TP53RK: variants seen among roughly 807,000 people sequenced by gnomAD.
TP53RK encodes EKC/KEOPS complex subunit TP53RK.
A neutral mutation model predicts 14.9 loss-of-function variants in TP53RK; 17 were observed. That is an observed-to-expected ratio of 1.14 (90% confidence interval 0.78 to 1.71). The LOEUF is 1.71. TP53RK is among the 40% of genes most tolerant of loss of function. The pLI, the probability that TP53RK is intolerant of heterozygous loss-of-function variation, is 0.00. For synonymous variants in TP53RK, 131 were observed against 138.0 expected (o/e 0.95, Z 0.36); for missense variants, 343 against 332.0 (o/e 1.03, Z -0.26).
At chr20:46,687,517 A>T (rs1009063529) in intron 1 of TP53RK, among the ~76,000 whole-genome samples, 43 of 152,230 alleles carry the variant, frequency 2.8e-4, no homozygotes, top group Non-Finnish European at 4.0e-4. Context: ...CTCACTCTCT[A>T]AAAAACAAAC....
rs1366247330 is a variant in TP53RK, at chr20:46,685,473, G to A, written c.*1280C>T. On this transcript the variant is annotated 3_prime_UTR_variant, in exon 2 of 2. Coordinates refer to ENST00000372114, the MANE Select transcript of TP53RK (RefSeq NM_033550.4). ...AAACTGAGAGTGTGTGATGACAACA[G>A]TGTGCAGAGGGAAATTCATAGCTGC... The A allele has an allele frequency of 6.6e-6, 1 of 152,218 alleles. No individual in the cohort carries two copies. The highest frequency in any genetic ancestry group is 1.5e-5 in the Non-Finnish European group (1 of 68,038). 9.4% of individuals were successfully genotyped at this position (152,218 alleles called of 1,614,324 possible). A position where few individuals can be genotyped will look rare whatever the true frequency, so the allele number is the denominator to read the frequency against.
In TP53RK at chr20:46,686,789, C is replaced by T. The variant is rs373677474; in HGVS notation, c.726G>A (p.Val242=). 7 of 1,614,054 alleles carry T rather than the reference C, an allele frequency of 4.3e-6. No individual in the cohort carries two copies. Among genetic ancestry groups the T allele is most frequent in the Non-Finnish European group, 5.9e-6 (7 of 1,180,018 alleles). ...ARPVLKKLDE[V]RLRGRKRSMV... is the part of the protein sequence containing the mutation. The stretch of plus-strand genomic sequence containing the variant: ...TGGACCTCTTTCTTCCTCTCAGGCG[C>T]ACTTCATCTAATTTTTTTAGCACTG... The change falls in exon 2 of 2, where the codon GTG becomes GTA. Residue 242 remains valine (V), a synonymous_variant. Coordinates refer to ENST00000372114, the MANE Select transcript of TP53RK (RefSeq NM_033550.4).
In TP53RK at chr20:46,686,911, CAT is replaced by C; in HGVS notation, c.602_603del (p.Tyr201CysfsTer14). ...ALPEDKGVDL[Y>X]VLEKAFLSTH... ...GTACTGAGGAAGGCCTTCTCCAGGA[CAT>C]AGAGGTCTACTCCCTTATCCTCTGG... On this transcript the variant is annotated frameshift_variant, in exon 2 of 2. Coordinates refer to ENST00000372114, the MANE Select transcript of TP53RK (RefSeq NM_033550.4). LOFTEE classifies it high-confidence loss of function. 6.2e-7 allele frequency: 1 copy of C among 1,614,188 alleles called. No individual in the cohort carries two copies. Among genetic ancestry groups the C allele is most frequent in the Non-Finnish European group, 8.5e-7 (1 of 1,180,028 alleles).
Position 46,686,028 on chromosome 20 carries a change from G to A in TP53RK, c.*725C>T, listed in dbSNP as rs1432004100. The A allele has an allele frequency of 6.6e-6, 1 of 152,096 alleles. No individual in the cohort carries two copies. The highest frequency in any genetic ancestry group is 1.5e-5 in the Non-Finnish European group (1 of 68,026). The allele number at this position is 152,096 out of a possible 1,614,324, so 9.4% of individuals were successfully genotyped here. A position where few individuals can be genotyped will look rare whatever the true frequency, so the allele number is the denominator to read the frequency against. ...TTTGTTTAGCGGTATAAACTTAAAA[G>A]GAACTTTAGATCAATCACTTGTCTT... is the stretch of plus-strand genomic sequence containing the variant. On this transcript the variant is annotated 3_prime_UTR_variant, in exon 2 of 2. Coordinates refer to ENST00000372114, the MANE Select transcript of TP53RK (RefSeq NM_033550.4).
In TP53RK at chr20:46,684,724, C is replaced by T. The variant is rs1328029116; in HGVS notation, c.*2029G>A. 6.6e-6 allele frequency: 1 copy of T among 152,182 alleles called. No homozygotes were observed. Among genetic ancestry groups the T allele is most frequent in the Admixed American group, 6.5e-5 (1 of 15,288 alleles). 9.4% of individuals were successfully genotyped at this position (152,182 alleles called of 1,614,324 possible). ...TGCACACGAGCCAACCATACCCCAA[C>T]AAAGCAGGTACTAGCCTTATAGTAC... On this transcript the variant is annotated 3_prime_UTR_variant, in exon 2 of 2. Coordinates refer to ENST00000372114, the MANE Select transcript of TP53RK (RefSeq NM_033550.4).
rs1779424050 is a variant in TP53RK, at chr20:46,686,484, T to C, written c.*269A>G. The C allele has an allele frequency of 1.1e-5, 5 of 439,000 alleles. No homozygotes were observed. In the Admixed American group the frequency reaches 1.9e-4, roughly 17 times the overall value. The allele number at this position is 439,000 out of a possible 1,614,324, so 27.2% of individuals were successfully genotyped here. A position where few individuals can be genotyped will look rare whatever the true frequency, so the allele number is the denominator to read the frequency against. ...AGAGAATAATGTTCTCATTATGTGG[T>C]TCAATGCCACACCCATGTATCTGAG... On this transcript the variant is annotated 3_prime_UTR_variant, in exon 2 of 2. Coordinates refer to ENST00000372114, the MANE Select transcript of TP53RK (RefSeq NM_033550.4).
rs1324265398 is a variant in TP53RK, at chr20:46,686,998, G to C, written c.517C>G (p.Pro173Ala). ...LTTSNMLLKPPLEQLNIVLID... is the reference protein window; with the variant it reads ...LTTSNMLLKPALEQLNIVLID... ...AGCACAATGTTCAGCTGTTCCAGGGGGGGTTTCAGGAGCATGTTGGAGGTG... is the reference window on the plus strand; with the variant it reads ...AGCACAATGTTCAGCTGTTCCAGGGCGGGTTTCAGGAGCATGTTGGAGGTG... Residue 173 changes from proline to alanine, a missense_variant, in exon 2 of 2, where the codon CCC becomes GCC. Physicochemically the swap from Pro to Ala is conservative, Grantham distance 27 (BLOSUM62 -1). Transcript: ENST00000372114. The C allele has an allele frequency of 5.0e-6, 8 of 1,614,038 alleles. No individual in the cohort carries two copies. The Admixed American group carries it at 5.0e-5, about 10-fold the overall frequency.
Position 46,686,846 on chromosome 20 carries a change from C to T in TP53RK, c.669G>A (p.Lys223=). The T allele has an allele frequency of 1.2e-6, 2 of 1,614,166 alleles. No individual in the cohort carries two copies. Among genetic ancestry groups the T allele is most frequent in the Non-Finnish European group, 1.7e-6 (2 of 1,180,040 alleles). ...NTETVFEAFL[K]SYSTSSKKAR... is the part of the protein sequence containing the mutation. ...CCTTTTTGGAGGAGGTGGAGTAGCT[C>T]TTCAGAAAGGCTTCAAACACAGTTT... is the stretch of plus-strand genomic sequence containing the variant. Residue 223 remains lysine, a synonymous_variant, in exon 2 of 2, where the codon AAG becomes AAA. Transcript: ENST00000372114.
At chr20:46,688,813 T>C (rs560836160) in intron 1 of TP53RK, among the ~76,000 whole-genome samples, 6 of 152,230 alleles carry the variant, frequency 3.9e-5, no homozygotes, top group Middle Eastern at 3.4e-3. Flanking sequence ...TGATCGAAAA[T>C]TGAAACGAGT....
rs2063183999 is a variant in TP53RK, at chr20:46,687,131, G to A, written c.384C>T (p.Ser128=). 1.9e-6 allele frequency: 3 copies of A among 1,613,852 alleles called. No individual in the cohort carries two copies. The highest frequency in any genetic ancestry group is 2.5e-6 in the Non-Finnish European group (3 of 1,179,986). The change falls in exon 2 of 2, where the codon TCC becomes TCT. Residue 128 remains serine, a synonymous_variant. Transcript: ENST00000372114. ...GSVTVRDYIQ[S]TMETEKTPQG... ...GGGGAGTTTTTTCAGTCTCCATAGT[G>A]GACTGAATATAATCTCGAACAGTCA... is the stretch of plus-strand genomic sequence containing the variant.
At chr20:46,688,987 A>G in intron 1 of TP53RK, 145 bp downstream of exon 1, 4 of 939,770 alleles carry the variant, frequency 4.3e-6, no homozygotes. Context: ...GGATGAAAGA[A>G]TAACATTTCC....
Position 46,689,384 on chromosome 20 carries a change from C to T in TP53RK, c.31G>A (p.Asp11Asn). Residue 11 changes from aspartate (D) to asparagine (N), a missense_variant, in exon 1 of 2, where the codon GAT becomes AAT. By Grantham distance (23) the Asp-to-Asn change is conservative. Transcript: ENST00000372114. MAAARATTPA[D>N]GEEPAPEAEA... ...GCCTCCGGGGCGGGCTCCTCGCCAT[C>T]GGCCGGCGTAGTAGCTCTGGCCGCC... 1 of 1,570,036 alleles carries T rather than the reference C, an allele frequency of 6.4e-7. No homozygotes were observed. The highest frequency in any genetic ancestry group is 8.6e-7 in the Non-Finnish European group (1 of 1,168,834).
chr20:46,689,252 G>T lies in TP53RK; in HGVS notation c.163C>A (p.Arg55Ser). Residue 55 changes from arginine (R) to serine (S), a missense_variant, in exon 1 of 2, where the codon CGC (arginine) becomes AGC (serine). Coordinates refer to ENST00000372114, the MANE Select transcript of TP53RK (RefSeq NM_033550.4). ...AAGCGGTGCTTGATCACCGCCGCGC[G>T]GCCCTGGAAGCGGCCACGGAACACG... is the stretch of plus-strand genomic sequence containing the variant. ...ARVFRGRFQG[R>S]AAVIKHRFPK... 6.5e-7 allele frequency: 1 copy of T among 1,533,644 alleles called. No individual in the cohort carries two copies. Among genetic ancestry groups the T allele is most frequent in the Non-Finnish European group, 8.7e-7 (1 of 1,146,634 alleles).
At position 46,686,470 on chromosome 20, in the gene TP53RK, T is replaced by G. The variant is rs567487349; in HGVS notation, c.*283A>C. 15 of 363,048 alleles carry G rather than the reference T, an allele frequency of 4.1e-5. No homozygotes were observed. Among genetic ancestry groups the G allele is most frequent in the African/African-American group, 2.9e-4 (14 of 48,818 alleles). The allele number at this position is 363,048 out of a possible 1,614,324, so 22.5% of individuals were successfully genotyped here. On this transcript the variant is annotated 3_prime_UTR_variant, in exon 2 of 2. Transcript: ENST00000372114. ...CACAAGGACTAAAAAGAGAATAATG[T>G]TCTCATTATGTGGTTCAATGCCACA...
rs1453527242 is a variant in TP53RK, at chr20:46,684,620, G to C, written c.*2133C>G. Reference sequence around the variant, plus strand: ...CACTGGGTCCCTCCCATGTCACGTGGGGATTACGGGAACAATTCAAGATGA... The same window carrying C: ...CACTGGGTCCCTCCCATGTCACGTGCGGATTACGGGAACAATTCAAGATGA... On this transcript the variant is annotated 3_prime_UTR_variant, in exon 2 of 2. Transcript: ENST00000372114. The C allele has an allele frequency of 6.6e-6, 1 of 152,130 alleles. No individual in the cohort carries two copies. 9.4% of individuals were successfully genotyped at this position (152,130 alleles called of 1,614,324 possible).
At chr20:46,687,276 C>T (rs372359878) in intron 1 of TP53RK, 45 bp from the exon 2 acceptor site, 417 of 1,477,560 alleles carry the variant, frequency 2.8e-4, no homozygotes, top group Non-Finnish European at 3.6e-4. Flanking sequence ...TTTTTTTTAA[C>T]GGGTAAACTT....
Position 46,689,388 on chromosome 20 carries a change from C to G in TP53RK, c.27G>C (p.Pro9=), listed in dbSNP as rs769559081. 6 of 1,570,334 alleles carry G rather than the reference C, an allele frequency of 3.8e-6. No individual in the cohort carries two copies. Among genetic ancestry groups the G allele is most frequent in the African/African-American group, 1.4e-5 (1 of 73,410 alleles). The change falls in exon 1 of 2, where the codon CCG becomes CCC. Residue 9 remains proline (P), a synonymous_variant. Coordinates refer to ENST00000372114, the MANE Select transcript of TP53RK (RefSeq NM_033550.4). ...CCGGGGCGGGCTCCTCGCCATCGGC[C>G]GGCGTAGTAGCTCTGGCCGCCGCCA... The part of the protein sequence containing the change: MAAARATT[P]ADGEEPAPEA...
chr20:46,685,652 C>T lies in TP53RK; in HGVS notation c.*1101G>A, dbSNP rs1246581226. The T allele has an allele frequency of 1.3e-5, 2 of 152,184 alleles. No individual in the cohort carries two copies. Among genetic ancestry groups the T allele is most frequent in the African/African-American group, 4.8e-5 (2 of 41,436 alleles). The allele number at this position is 152,184 out of a possible 1,614,324, so 9.4% of individuals were successfully genotyped here. A position where few individuals can be genotyped will look rare whatever the true frequency, so the allele number is the denominator to read the frequency against. ...ATAAATATTCTTACAAAAGGACAGG[C>T]GCTGTGTCTGTCTGGCTCACCATTG... is the stretch of plus-strand genomic sequence containing the variant. On this transcript the variant is annotated 3_prime_UTR_variant, in exon 2 of 2. Coordinates refer to ENST00000372114, the MANE Select transcript of TP53RK (RefSeq NM_033550.4).
chr20:46,687,258 G>A, intron 1 of TP53RK, 27 bp from the exon 2 acceptor site: 1 of 1,535,706 alleles, frequency 6.5e-7, no homozygotes, highest in Non-Finnish European at 8.7e-7. Context: ...AGTGGTTATT[G>A]GGTTGGATTT....
Sources: gnomAD v4.1 joint callset for allele counts (sites outside exome capture counted in the v4.1 genomes callset) on GRCh38, gnomAD v4.1.1 for gene constraint, MANE v1.5 for transcripts, NCBI Gene and HGNC (gene_info 2026-07-23, HGNC 2026-07-21) for gene names.